The following ZPLD1 variants were observed in gnomAD, a reference collection of about 807,000 sequenced individuals.
The protein encoded by ZPLD1 is zona pellucida like domain containing 1, also known as zona pellucida-like domain-containing protein 1.
In ZPLD1, 34 loss-of-function variants were observed where a neutral mutation model predicts 47.2. The ratio of observed to expected loss-of-function variants is 0.72; its 90% CI spans 0.55 to 0.96. The LOEUF (loss-of-function observed/expected upper bound fraction) is 0.96. Among genes scored for constraint, ZPLD1 ranks in the 40% least tolerant of loss-of-function variants. ZPLD1 has a pLI of 0.00. For missense variants in ZPLD1, 512 were observed against 505.8 expected, an observed-to-expected ratio of 1.01 and a Z score of -0.12; for synonymous variants, 176 against 186.2, an observed-to-expected ratio of 0.95 and a Z score of 0.45.
chr3:102,388,894 T>C (rs1037822325), intron 6 of ZPLD1, among the ~76,000 whole-genome samples: 3 of 152,226 alleles, frequency 2.0e-5, no homozygotes, highest in Non-Finnish European at 2.9e-5. Flanking sequence ...TACAATGTGA[T>C]ACAGAAAGGC....
In ZPLD1 at chr3:102,457,828, G is replaced by A. The variant is rs371438173; in HGVS notation, c.557G>A (p.Ser186Asn). The change falls in exon 6 of 12, where the codon AGC becomes AAC. Residue 186 changes from serine (S) to asparagine (N), a missense_variant. By Grantham distance (46) the Ser-to-Asn change is conservative. Transcript: ENST00000466937. ...SVRENNGTFV[S>N]TLNLLLYNDS... ...AGAGAGAACAATGGCACATTTGTCA[G>A]CACTTTGAACCTGCTCCTTTATAAC... 6.2e-7 allele frequency: 1 copy of A among 1,613,836 alleles called. No individual in the cohort carries two copies. The highest frequency in any genetic ancestry group is 1.3e-5 in the African/African-American group (1 of 74,910).
At chr3:102,466,842 C>T (rs887797110) in intron 8 of ZPLD1, among the ~76,000 whole-genome samples, 3 of 151,480 alleles carry the variant, frequency 2.0e-5, no homozygotes, top group Non-Finnish European at 2.9e-5. Context: ...AAAGGGAATT[C>T]GATATATGTA....
intron 10 of ZPLD1, among the ~76,000 whole-genome samples, chr3:102,471,659 T>TA (rs1361938432): frequency 3.9e-5 from 6 of 152,220 alleles, no homozygotes; most frequent in Admixed American, 1.3e-4. Flanking sequence ...AGATGTGGCA[T>TA]AAAAAACTCT....
intron 7 of ZPLD1, among the ~76,000 whole-genome samples, chr3:102,402,962 A>C (rs1706639078): frequency 6.6e-6 from 1 of 151,866 alleles, no homozygotes; most frequent in South Asian, 2.1e-4. Context: ...AGCATAATGT[A>C]CCCCTATGCA....
intron 8 of ZPLD1, among the ~76,000 whole-genome samples, chr3:102,429,553 T>C (rs1484478928): frequency 6.6e-6 from 1 of 152,168 alleles, no homozygotes; most frequent in Non-Finnish European, 1.5e-5. Flanking sequence ...GGGGGGAAAG[T>C]TATATAATAT....
upstream of ZPLD1, among the ~76,000 whole-genome samples, chr3:102,433,951 A>G (rs979129252): frequency 6.6e-6 from 1 of 152,214 alleles, no homozygotes; most frequent in African/African-American, 2.4e-5. Context: ...TCTTAAGCAT[A>G]CATTATTAAT....
At chr3:102,412,750 G>A (rs1475774968) in intron 7 of ZPLD1, among the ~76,000 whole-genome samples, 3 of 151,656 alleles carry the variant, frequency 2.0e-5, no homozygotes, top group Admixed American at 6.6e-5. Flanking sequence ...TGTGAGCTCT[G>A]TAGCAGGTTT....
intron 7 of ZPLD1, among the ~76,000 whole-genome samples, chr3:102,462,848 G>T (rs1389210250): frequency 6.6e-6 from 1 of 152,044 alleles, no homozygotes; most frequent in African/African-American, 2.4e-5. Context: ...AATTTCAGAT[G>T]ATACTTAAGA....
chr3:102,468,934 T>A lies in ZPLD1; in HGVS notation c.762-30T>A, dbSNP rs373947490. The A allele has an allele frequency of 4.9e-5, 78 of 1,593,414 alleles. No individual in the cohort carries two copies. In the Middle Eastern group the frequency reaches 5.1e-4, roughly 10 times the overall value. On this transcript the variant is annotated intron_variant, in intron 8 of 11. Transcript: ENST00000466937. ...CCAGTAGGTTGGTACTTTCCAGTGA[T>A]GTCCTGTTTTCACGTTCCCTAAAAT...
At chr3:102,453,331 A>G (rs1707368021) in intron 4 of ZPLD1, among the ~76,000 whole-genome samples, 192 bp downstream of exon 4, 1 of 152,230 alleles carries the variant, frequency 6.6e-6, no homozygotes, top group South Asian at 2.1e-4. Context: ...TTATGTTTAT[A>G]GTAGTGGGGC....
At chr3:102,436,323 TTCTC>T (rs534815213) in intron 1 of ZPLD1, among the ~76,000 whole-genome samples, 97 of 152,316 alleles carry the variant, frequency 6.4e-4, no homozygotes, top group African/African-American at 2.0e-3. Context: ...AAATAAACAA[TTCTC>T]TCTGTCTCTT....
At chr3:102,412,111 G>A (rs1706752986) in intron 7 of ZPLD1, among the ~76,000 whole-genome samples, 1 of 151,590 alleles carries the variant, frequency 6.6e-6, no homozygotes, top group Non-Finnish European at 1.5e-5. Flanking sequence ...TTCTTAAGGC[G>A]TTCACATTGG....
chr3:102,413,047 A>C (rs11926310), intron 7 of ZPLD1, among the ~76,000 whole-genome samples: 1 of 151,706 alleles, frequency 6.6e-6, no homozygotes, highest in Non-Finnish European at 1.5e-5. Flanking sequence ...GCAGAGCTAG[A>C]ATAGAAACTG....
At chr3:102,438,642 A>G (rs372683771) in intron 3 of ZPLD1, 49 bp downstream of exon 3, 3 of 1,393,004 alleles carry the variant, frequency 2.2e-6, no homozygotes, top group Non-Finnish European at 3.0e-6. Context: ...AAGAGTGATT[A>G]TATTTGAAGA....
intron 6 of ZPLD1, among the ~76,000 whole-genome samples, chr3:102,387,337 A>G (rs1423311000): frequency 6.6e-6 from 1 of 152,242 alleles, no homozygotes; most frequent in African/African-American, 2.4e-5. Flanking sequence ...GCTAATATAT[A>G]GTTTTCACAT....
At chr3:102,452,254 ATTT>A (rs34069463) in intron 3 of ZPLD1, among the ~76,000 whole-genome samples, 15 of 133,362 alleles carry the variant, frequency 1.1e-4, no homozygotes, top group Non-Finnish European at 1.8e-4. Context: ...TGTTTAGGTC[ATTT>A]TTTTTTTTTT....
intron 6 of ZPLD1, among the ~76,000 whole-genome samples, chr3:102,388,433 C>CTT (rs1706457742): frequency 1.5e-5 from 2 of 137,532 alleles, no homozygotes; most frequent in South Asian, 4.5e-4. Flanking sequence ...CCTGGAGTCT[C>CTT]TCTCTCTCTC....
intron 2 of ZPLD1, among the ~76,000 whole-genome samples, chr3:102,437,949 T>C (rs1363147823): frequency 6.6e-6 from 1 of 152,242 alleles, no homozygotes; most frequent in Non-Finnish European, 1.5e-5. Context: ...TTTTGAAAAG[T>C]TGCAGTAGTC....
chr3:102,417,420 A>G (rs1024660925), intron 7 of ZPLD1, among the ~76,000 whole-genome samples: 2 of 151,948 alleles, frequency 1.3e-5, no homozygotes, highest in East Asian at 1.9e-4. Context: ...AGGAATCATA[A>G]TAGCTTATGG....
Sources: gnomAD v4.1 joint callset for allele counts (sites outside exome capture counted in the v4.1 genomes callset) on GRCh38, gnomAD v4.1.1 for gene constraint, MANE v1.5 for transcripts, NCBI Gene and HGNC (gene_info 2026-07-23, HGNC 2026-07-21) for gene names.